CACNA1C: variants seen among roughly 807,000 people sequenced by gnomAD.
CACNA1C encodes the protein calcium voltage-gated channel subunit alpha1 C.
CACNA1C carries 30 observed loss-of-function variants against 229.0 expected under a neutral mutation model. That is an observed-to-expected ratio of 0.13 (90% CI 0.10 to 0.18). CACNA1C has a LOEUF of 0.18. Among genes scored for constraint, CACNA1C ranks in the 10% least tolerant of loss-of-function variants. CACNA1C has a pLI of 1.00. For missense variants in CACNA1C, 1,658 were observed against 2,845.0 expected (o/e 0.58, Z 9.49); for synonymous variants, 1,114 against 1,132.5 (o/e 0.98, Z 0.33).
chr12:2,088,678 C>T (rs1340203618), intron 1 of CACNA1C, among the ~76,000 whole-genome samples: 2 of 152,138 alleles, frequency 1.3e-5, no homozygotes, highest in Non-Finnish European at 2.9e-5. Flanking sequence ...TACTTGCTGA[C>T]GAAACAACCT....
At chr12:2,291,753 T>C (rs1591850596) in intron 3 of CACNA1C, among the ~76,000 whole-genome samples, 2 of 152,096 alleles carry the variant, frequency 1.3e-5, no homozygotes, top group Admixed American at 1.3e-4. Flanking sequence ...GCAAGAAAGG[T>C]GAATGTAACC....
rs115961773 is a variant in CACNA1C at position 2,473,553 on chromosome 12, G to A, written c.758-12551G>A. Among the ~76,000 whole-genome samples the A allele has an allele frequency of 8.5e-3, 1,295 of 152,268 alleles. 14 individuals carry two copies. Among genetic ancestry groups the A allele is most frequent in the African/African-American group, 0.027 (1,127 of 41,544 alleles). ...CACAGTAGTAATTGGAAGAAGGAAA[G>A]GTACTAGAATCTTGCTTTATTTGGA... On this transcript the variant is annotated intron_variant, in intron 5 of 46. Coordinates refer to ENST00000399655, the MANE Select transcript of CACNA1C (RefSeq NM_000719.7).
At chr12:2,508,144 A>G (rs1189141401) in intron 8 of CACNA1C, among the ~76,000 whole-genome samples, 1 of 152,258 alleles carries the variant, frequency 6.6e-6, no homozygotes, top group East Asian at 1.9e-4. Context: ...CACTAACTGA[A>G]TAGCACTGCA....
chr12:2,268,294 C>A (rs1228625253), intron 3 of CACNA1C, among the ~76,000 whole-genome samples: 4 of 152,114 alleles, frequency 2.6e-5, no homozygotes, highest in Admixed American at 1.3e-4. Flanking sequence ...GAAGCCAACT[C>A]ACCGGCAGGA....
At chr12:2,303,230 G>A (rs974775402) in intron 3 of CACNA1C, among the ~76,000 whole-genome samples, 6 of 152,206 alleles carry the variant, frequency 3.9e-5, no homozygotes, top group African/African-American at 1.4e-4. Context: ...AGGTGCTGTG[G>A]CAGAGCACTG....
chr12:2,076,822 A>C (rs2063384935), intron 1 of CACNA1C, among the ~76,000 whole-genome samples: 1 of 152,118 alleles, frequency 6.6e-6, no homozygotes, highest in Non-Finnish European at 1.5e-5. Flanking sequence ...GGCCCGGGAG[A>C]CCTCTGGCTC....
chr12:2,219,954 C>T (rs2061011308), intron 3 of CACNA1C, among the ~76,000 whole-genome samples: 1 of 152,152 alleles, frequency 6.6e-6, no homozygotes. Context: ...TGGTTCAGCT[C>T]TCTGACATTG....
intron 3 of CACNA1C, among the ~76,000 whole-genome samples, chr12:2,436,124 T>C (rs1342859922): frequency 1.3e-5 from 2 of 151,960 alleles, no homozygotes; most frequent in African/African-American, 4.8e-5. Context: ...GATATGGAGG[T>C]GGGGAAGGAA....
intron 1 of CACNA1C, chr12:2,004,582 C>G (rs572143123): frequency 8.6e-7 from 1 of 1,158,870 alleles, no homozygotes; most frequent in African/African-American, 1.6e-5. Context: ...CTCCTGCCCG[C>G]CGACAGACGC....
At position 2,532,055 on chromosome 12, in the gene CACNA1C, C is replaced by T. The variant is rs117073106; in HGVS notation, c.1391-17888C>T. On this transcript the variant is annotated intron_variant, in intron 9 of 46. Coordinates refer to ENST00000399655, the MANE Select transcript of CACNA1C (RefSeq NM_000719.7). Reference sequence around the variant, plus strand: ...TGTCCTGGGTGCAGTGGCATCCTCCCGATGGTGTGGTGAATTATCCTGGCA... The same window carrying T: ...TGTCCTGGGTGCAGTGGCATCCTCCTGATGGTGTGGTGAATTATCCTGGCA... 7.2e-5 allele frequency among the ~76,000 whole-genome samples: 11 copies of T among 152,270 alleles called. 1 individual carries two copies. The East Asian group carries it at 1.7e-3, about 24-fold the overall frequency.
At chr12:2,076,989 A>G (rs540108293) in intron 1 of CACNA1C, among the ~76,000 whole-genome samples, 52 of 152,366 alleles carry the variant, frequency 3.4e-4, no homozygotes, top group Admixed American at 3.3e-3. Context: ...AGCGGACGCC[A>G]TGCTGGGCTC....
At chr12:2,216,739 C>T (rs1461393386) in intron 3 of CACNA1C, among the ~76,000 whole-genome samples, 1 of 152,112 alleles carries the variant, frequency 6.6e-6, no homozygotes, top group Non-Finnish European at 1.5e-5. Context: ...TTGAAAGCAC[C>T]CCCAGGTGAT....
chr12:2,241,214 G>A (rs1329814301), intron 3 of CACNA1C, among the ~76,000 whole-genome samples: 2 of 152,030 alleles, frequency 1.3e-5, no homozygotes, highest in African/African-American at 4.8e-5. Flanking sequence ...CTATGTCCCC[G>A]CGCTGGCCTG....
rs924240002 is a variant in CACNA1C, at chr12:2,653,939, T to A, written c.4140+39T>A. On this transcript the variant is annotated intron_variant, in intron 33 of 46. Coordinates refer to ENST00000399655, the MANE Select transcript of CACNA1C (RefSeq NM_000719.7). This position sits in a 1 kb window ranked among gnomAD's most constrained non-coding sequence, Gnocchi z 4.7. Reference sequence around the variant, plus strand: ...CACCACGGGGCTCCTGGCCTCCCGCTCTGTCTCTCCCCAGTTCCCAGCACC... The same window carrying A: ...CACCACGGGGCTCCTGGCCTCCCGCACTGTCTCTCCCCAGTTCCCAGCACC... 14 of 1,547,576 alleles carry A rather than the reference T, an allele frequency of 9.0e-6. No homozygotes were observed. In the African/African-American group the frequency reaches 1.2e-4, roughly 14 times the overall value.
chr12:2,513,304 G>T (rs2099788911), intron 9 of CACNA1C, among the ~76,000 whole-genome samples: 1 of 152,200 alleles, frequency 6.6e-6, no homozygotes, highest in Non-Finnish European at 1.5e-5. Flanking sequence ...TTTGGGCAGG[G>T]GCACAGGCTT....
chr12:2,201,740 C>T (rs1210841262), intron 3 of CACNA1C, among the ~76,000 whole-genome samples: 2 of 152,204 alleles, frequency 1.3e-5, no homozygotes, highest in Admixed American at 1.3e-4. Flanking sequence ...CCAGGGGGAA[C>T]AGGAAAGCGT....
rs1448323960 is a variant in CACNA1C, at chr12:2,633,805, CTTT to C, written c.3829-490_3829-488del. ...CTCTCTCACTCTCTCTGTTTACCTTCTTTTATGTTTTTTTTAATTTCCTGTTTT... is the reference window on the plus strand; with the variant it reads ...CTCTCTCACTCTCTCTGTTTACCTTCTATGTTTTTTTTAATTTCCTGTTTT... On this transcript the variant is annotated intron_variant, in intron 29 of 46. Coordinates refer to ENST00000399655, the MANE Select transcript of CACNA1C (RefSeq NM_000719.7). The surrounding 1 kb of genome is among the most constrained non-coding windows in gnomAD (Gnocchi z 5.8). 2.7e-6 allele frequency: 2 copies of C among 742,090 alleles called. No homozygotes were observed. Among genetic ancestry groups the C allele is most frequent in the Non-Finnish European group, 4.6e-6 (2 of 431,696 alleles). 46.0% of individuals were successfully genotyped at this position (742,090 alleles called of 1,614,324 possible).
chr12:2,667,147 A>G (rs987661388), intron 37 of CACNA1C, among the ~76,000 whole-genome samples: 53 of 152,216 alleles, frequency 3.5e-4, no homozygotes, highest in African/African-American at 1.3e-3. Context: ...TGAGTCCTAA[A>G]ATTTTTCATA....
chr12:2,443,959 A>G (rs1035562383), intron 3 of CACNA1C, among the ~76,000 whole-genome samples: 2 of 152,184 alleles, frequency 1.3e-5, no homozygotes, highest in African/African-American at 2.4e-5. Context: ...TTTAGTCAGC[A>G]CACGCACACA....
Sources: allele counts gnomAD v4.1 joint callset (sites outside exome capture counted in the v4.1 genomes callset), GRCh38; gene constraint gnomAD v4.1.1; non-coding constraint Gnocchi (gnomAD v3.1); transcripts MANE v1.5; gene names NCBI Gene and HGNC (gene_info 2026-07-23, HGNC 2026-07-21).